Variants in MARCHF1 observed in about 807,000 individuals in gnomAD.
The protein encoded by MARCHF1 is membrane associated ring-CH-type finger 1.
In MARCHF1, 40 loss-of-function variants were observed where a neutral mutation model predicts 54.2. The observed-to-expected ratio is 0.74, with a 90% confidence interval of 0.57 to 0.96. The LOEUF is 0.96. Among genes scored for constraint, MARCHF1 ranks in the 40% least tolerant of loss-of-function variants. The probability of loss-of-function intolerance (pLI) is 0.00; values close to 1 mark genes in which losing one functional copy is unlikely to be tolerated. For missense variants in MARCHF1, 586 were observed against 656.5 expected (o/e 0.89, Z 1.17); for synonymous variants, 236 against 236.3 (o/e 1.00, Z 0.01).
chr4:164,361,088 A>T (rs1223720467), intron 1 of MARCHF1, among the ~76,000 whole-genome samples: 6 of 151,698 alleles, frequency 4.0e-5, no homozygotes, highest in African/African-American at 1.5e-4. Flanking sequence ...GGTCTTGATG[A>T]TAGTTCATCC....
chr4:163,718,365 C>T (rs981357263), intron 4 of MARCHF1, among the ~76,000 whole-genome samples: 31 of 152,156 alleles, frequency 2.0e-4, no homozygotes, highest in Non-Finnish European at 1.6e-4. Context: ...AGTGAACAGG[C>T]AACCTACAGA....
At chr4:163,901,579 C>T (rs375823267) in intron 3 of MARCHF1, among the ~76,000 whole-genome samples, 5 of 152,100 alleles carry the variant, frequency 3.3e-5, no homozygotes, top group Non-Finnish European at 7.4e-5. Context: ...AGTTTTAATA[C>T]GTTTTCAGCC....
intron 4 of MARCHF1, among the ~76,000 whole-genome samples, chr4:163,725,628 C>G (rs115670908): frequency 1.3e-4 from 20 of 151,906 alleles, no homozygotes; most frequent in African/African-American, 4.6e-4. Context: ...AAAACTAAAC[C>G]CTGTAGTTTT....
At chr4:163,953,366 C>T (rs1465374978) in intron 3 of MARCHF1, among the ~76,000 whole-genome samples, 1 of 152,202 alleles carries the variant, frequency 6.6e-6, no homozygotes, top group East Asian at 1.9e-4. Flanking sequence ...GATTTTTTCT[C>T]ATGTGTAAAA....
At chr4:164,313,942 A>G (rs1734933545) in intron 1 of MARCHF1, among the ~76,000 whole-genome samples, 1 of 152,180 alleles carries the variant, frequency 6.6e-6, no homozygotes, top group Non-Finnish European at 1.5e-5. Flanking sequence ...CTAAAAGAAA[A>G]CAGTCTCCCA....
chr4:164,019,107 C>T (rs1447458192), intron 2 of MARCHF1, among the ~76,000 whole-genome samples: 1 of 152,134 alleles, frequency 6.6e-6, no homozygotes, highest in Non-Finnish European at 1.5e-5. Context: ...ATGGGAGGCA[C>T]CAGCAAAGGA....
At chr4:164,021,889 C>T (rs1233694077) in intron 2 of MARCHF1, among the ~76,000 whole-genome samples, 1 of 146,870 alleles carries the variant, frequency 6.8e-6, no homozygotes, top group African/African-American at 2.5e-5. Context: ...ATATATGGTC[C>T]ATTTTTAGTT....
intron 3 of MARCHF1, among the ~76,000 whole-genome samples, chr4:163,866,477 T>C (rs1025272369): frequency 1.4e-5 from 2 of 145,522 alleles, no homozygotes; most frequent in South Asian, 2.1e-4. Context: ...TATATATATA[T>C]ATATAATAGG....
chr4:164,136,525 G>T (rs868325771), intron 1 of MARCHF1, among the ~76,000 whole-genome samples: 1 of 152,140 alleles, frequency 6.6e-6, no homozygotes, highest in East Asian at 1.9e-4. Context: ...CAGCAGAGCC[G>T]ATTGGCTGGG....
At chr4:163,892,347 G>A (rs1483248465) in intron 3 of MARCHF1, among the ~76,000 whole-genome samples, 1 of 151,974 alleles carries the variant, frequency 6.6e-6, no homozygotes, top group Non-Finnish European at 1.5e-5. Flanking sequence ...GAACATCTAA[G>A]AGTGGAGCTG....
intron 9 of MARCHF1, among the ~76,000 whole-genome samples, chr4:163,542,965 C>T (rs1481220883): frequency 2.6e-5 from 4 of 151,818 alleles, no homozygotes; most frequent in Admixed American, 2.6e-4. Flanking sequence ...TGGTGGTGGA[C>T]AAGAGAAGCT....
At chr4:163,791,590 G>C (rs1747775322) in intron 4 of MARCHF1, among the ~76,000 whole-genome samples, 1 of 152,062 alleles carries the variant, frequency 6.6e-6, no homozygotes, top group South Asian at 2.1e-4. Flanking sequence ...AATGAGAGTT[G>C]AGGCACTGGC....
chr4:164,283,723 A>C (rs1734080319), intron 1 of MARCHF1, among the ~76,000 whole-genome samples: 1 of 150,910 alleles, frequency 6.6e-6, no homozygotes, highest in Non-Finnish European at 1.5e-5. Flanking sequence ...GTCCAAAATT[A>C]CCAACAGAGT....
chr4:163,733,499 C>T (rs1206854686), intron 4 of MARCHF1, among the ~76,000 whole-genome samples: 2 of 149,142 alleles, frequency 1.3e-5, no homozygotes, highest in African/African-American at 4.9e-5. Flanking sequence ...TACATGTGCA[C>T]AATGTGCAGG....
In MARCHF1 at chr4:163,810,769, G is replaced by A. The variant is rs545189116; in HGVS notation, c.111+43252C>T. On this transcript the variant is annotated intron_variant, in intron 4 of 9. Transcript: ENST00000514618. Reference sequence around the variant, plus strand: ...GTCTTTAATACTTTCTGCTAGTTTAGTAGAATATAACTAAGAATTAACAAG... The same window carrying A: ...GTCTTTAATACTTTCTGCTAGTTTAATAGAATATAACTAAGAATTAACAAG... 5.9e-5 allele frequency among the ~76,000 whole-genome samples: 9 copies of A among 152,216 alleles called. No homozygotes were observed. The South Asian group carries it at 1.9e-3, about 32-fold the overall frequency.
At chr4:164,271,570 G>T (rs1486243537) in intron 1 of MARCHF1, among the ~76,000 whole-genome samples, 1 of 152,114 alleles carries the variant, frequency 6.6e-6, no homozygotes, top group Non-Finnish European at 1.5e-5. Flanking sequence ...ACTGTAAGAT[G>T]ATAAGTTTGT....
intron 1 of MARCHF1, among the ~76,000 whole-genome samples, chr4:164,185,088 C>T (rs1730931842): frequency 6.6e-6 from 1 of 152,094 alleles, no homozygotes; most frequent in African/African-American, 2.4e-5. Context: ...ATATGTCATT[C>T]TAGACAAACT....
intron 1 of MARCHF1, among the ~76,000 whole-genome samples, chr4:164,263,847 C>A (rs377294829): frequency 7.2e-5 from 11 of 152,108 alleles, no homozygotes; most frequent in East Asian, 1.9e-4. Context: ...AAAAAATAAC[C>A]GATGCTAGTG....
chr4:163,986,058 C>T (rs1197383453), intron 3 of MARCHF1, among the ~76,000 whole-genome samples: 2 of 151,660 alleles, frequency 1.3e-5, no homozygotes, highest in Non-Finnish European at 2.9e-5. Flanking sequence ...AGTTATTCGG[C>T]GGCCTACAAG....
Sources: gnomAD v4.1 joint callset for allele counts (sites outside exome capture counted in the v4.1 genomes callset) on GRCh38, gnomAD v4.1.1 for gene constraint, MANE v1.5 for transcripts, NCBI Gene and HGNC (gene_info 2026-07-23, HGNC 2026-07-21) for gene names.